The following TMEM151B variants were observed in gnomAD, a reference collection of about 807,000 sequenced individuals.
The protein encoded by TMEM151B is transmembrane protein 151B.
Under a neutral mutation model 33.0 loss-of-function variants are expected in TMEM151B, and 18 were observed. That is an observed-to-expected ratio of 0.55 (90% CI 0.38 to 0.81). The LOEUF (loss-of-function observed/expected upper bound fraction) is 0.81. Ranked by LOEUF, TMEM151B falls within the 30% of genes least tolerant of loss-of-function variation. TMEM151B has a pLI of 0.00. For missense variants in TMEM151B, 672 were observed against 843.4 expected (o/e 0.80, Z 2.52); for synonymous variants, 354 against 373.6 (o/e 0.95, Z 0.61).
rs1274303644 is a variant in TMEM151B, at chr6:44,273,488, C to T, written c.558C>T (p.Asp186=). 47 of 1,544,408 alleles carry T rather than the reference C, an allele frequency of 3.0e-5. No individual in the cohort carries two copies. Among genetic ancestry groups the T allele is most frequent in the Admixed American group, 3.9e-5 (2 of 50,880 alleles). The part of the protein sequence containing the change: ...TRQVTRYRNG[D]AYTTTQVYHE... ...AGGTCACCAGATACCGCAATGGAGACGCCTATACCACCACCCAGGTGAGGA... is the reference window on the plus strand; with the variant it reads ...AGGTCACCAGATACCGCAATGGAGATGCCTATACCACCACCCAGGTGAGGA... The change falls in exon 2 of 3, where the codon GAC becomes GAT. Residue 186 remains aspartate (D), a synonymous_variant. Coordinates refer to ENST00000451188, the MANE Select transcript of TMEM151B (RefSeq NM_001137560.2).
chr6:44,274,465 T>C (rs1472692339), intron 2 of TMEM151B, among the ~76,000 whole-genome samples: 3 of 152,154 alleles, frequency 2.0e-5, no homozygotes, highest in African/African-American at 7.2e-5. Context: ...ATCAGCACTT[T>C]GTGGACTCGC....
rs1267056369 is a variant in TMEM151B, at chr6:44,275,816, G to A, written c.990G>A (p.Glu330=). 1 of 1,543,296 alleles carries A rather than the reference G, an allele frequency of 6.5e-7. No homozygotes were observed. Among genetic ancestry groups the A allele is most frequent in the Non-Finnish European group, 8.7e-7 (1 of 1,145,806 alleles). The part of the protein sequence containing the change: ...YRTAYAHYHV[E]KLFGLEGPGS... ...CGGCCTACGCGCACTACCACGTGGA[G>A]AAGCTATTTGGCCTGGAGGGCCCGG... is the stretch of plus-strand genomic sequence containing the variant. Residue 330 remains glutamate, a synonymous_variant, in exon 3 of 3, where the codon GAG becomes GAA. Coordinates refer to ENST00000451188, the MANE Select transcript of TMEM151B (RefSeq NM_001137560.2).
chr6:44,274,245 A>G (rs1782478945), intron 2 of TMEM151B, among the ~76,000 whole-genome samples: 1 of 152,208 alleles, frequency 6.6e-6, no homozygotes, highest in South Asian at 2.1e-4. Context: ...ATGGCTTCAC[A>G]TGCCCAGTAT....
At position 44,275,934 on chromosome 6, in the gene TMEM151B, A is replaced by C; in HGVS notation, c.1108A>C (p.Ser370Arg). Residue 370 changes from serine (S) to arginine (R), a missense_variant, in exon 3 of 3, where the codon AGC becomes CGC. This residue lies in a region of TMEM151B where 324 missense variants were observed against 363.1 expected (regional missense o/e 0.89). Coordinates refer to ENST00000451188, the MANE Select transcript of TMEM151B (RefSeq NM_001137560.2). ...HRLPRVNTVD[S>R]TELEWHIRSN... is the part of the protein sequence containing the mutation. The stretch of plus-strand genomic sequence containing the variant: ...CCTGCCGCGGGTCAACACAGTAGAC[A>C]GCACGGAGCTCGAGTGGCACATCCG... The C allele has an allele frequency of 6.7e-7, 1 of 1,501,506 alleles. No individual in the cohort carries two copies. Among genetic ancestry groups the C allele is most frequent in the Non-Finnish European group, 8.9e-7 (1 of 1,121,188 alleles). The allele number at this position is 1,501,506 out of a possible 1,614,324, so 93.0% of individuals were successfully genotyped here.
chr6:44,276,663 G>T lies in TMEM151B; in HGVS notation c.*136G>T. ...AGGGAAAGGGAGGTGAGGGCCGCAAGACAGGCCCGGATGGGGCCGAGACCC... is the reference window on the plus strand; with the variant it reads ...AGGGAAAGGGAGGTGAGGGCCGCAATACAGGCCCGGATGGGGCCGAGACCC... On this transcript the variant is annotated 3_prime_UTR_variant, in exon 3 of 3. Transcript: ENST00000451188. 2 of 1,275,848 alleles carry T rather than the reference G, an allele frequency of 1.6e-6. No homozygotes were observed. The highest frequency in any genetic ancestry group is 2.0e-6 in the Non-Finnish European group (2 of 1,011,842). 79.0% of individuals were successfully genotyped at this position (1,275,848 alleles called of 1,614,324 possible).
rs1440208017 is a variant in TMEM151B at position 44,278,712 on chromosome 6, A to G, written c.*2185A>G. 6.6e-6 allele frequency: 1 copy of G among 152,228 alleles called. No individual in the cohort carries two copies. The highest frequency in any genetic ancestry group is 1.5e-5 in the Non-Finnish European group (1 of 68,032). 9.4% of individuals were successfully genotyped at this position (152,228 alleles called of 1,614,324 possible). A position where few individuals can be genotyped will look rare whatever the true frequency, so the allele number is the denominator to read the frequency against. On this transcript the variant is annotated 3_prime_UTR_variant, in exon 3 of 3. Transcript: ENST00000451188. Reference sequence around the variant, plus strand: ...ACAGCCTCATCTCCCACACATGCACAGACTTAGAGAGAAACCAATTCTTTG... The same window carrying G: ...ACAGCCTCATCTCCCACACATGCACGGACTTAGAGAGAAACCAATTCTTTG...
intron 1 of TMEM151B, among the ~76,000 whole-genome samples, chr6:44,271,369 G>GTGGGGGGA (rs35554649): frequency 2.5e-4 from 7 of 27,952 alleles, no homozygotes; most frequent in Admixed American, 6.1e-4. Context: ...GTGTGTGTGT[G>GTGGGGGGA]GGGGGGGGTG....
In TMEM151B at chr6:44,276,102, G is replaced by T; in HGVS notation, c.1276G>T (p.Val426Leu). ...GGTAGGCGGCCCGGGCGCGGCGGGC[G>T]TGGCTCCCTACCGGCGCAGCTGCGA... The part of the protein sequence containing the change: ...GGVGGPGAAG[V>L]APYRRSCEHC... The change falls in exon 3 of 3, where the codon GTG becomes TTG. Residue 426 changes from valine (V) to leucine (L), a missense_variant. Around this residue, in one of 3 missense-constraint regions of TMEM151B, gnomAD observed 324 missense variants for 363.1 expected, o/e 0.89. Transcript: ENST00000451188. 1 of 1,322,840 alleles carries T rather than the reference G, an allele frequency of 7.6e-7. No individual in the cohort carries two copies. The highest frequency in any genetic ancestry group is 9.6e-7 in the Non-Finnish European group (1 of 1,045,312). 81.9% of individuals were successfully genotyped at this position (1,322,840 alleles called of 1,614,324 possible).
At chr6:44,275,345 G>A in intron 2 of TMEM151B, 58 bp from the exon 3 acceptor site, 3 of 1,450,150 alleles carry the variant, frequency 2.1e-6, no homozygotes, top group East Asian at 5.0e-5. Context: ...TGAGTGGGCA[G>A]AAGCGGGCAC....
Position 44,270,689 on chromosome 6 carries a change from C to G in TMEM151B, c.-54C>G. On this transcript the variant is annotated 5_prime_UTR_variant, in exon 1 of 3. Coordinates refer to ENST00000451188, the MANE Select transcript of TMEM151B (RefSeq NM_001137560.2). ...CCCCAGGGCCCGCGCAGGATGCCCC[C>G]GGCCCCTGGCAGCCCCCCGGGAGGT... 3.9e-6 allele frequency: 2 copies of G among 508,244 alleles called. No homozygotes were observed. The highest frequency in any genetic ancestry group is 2.7e-6 in the Non-Finnish European group (1 of 366,280). The allele number at this position is 508,244 out of a possible 1,614,324, so 31.5% of individuals were successfully genotyped here. A position where few individuals can be genotyped will look rare whatever the true frequency, so the allele number is the denominator to read the frequency against.
Position 44,277,692 on chromosome 6 carries a change from G to A in TMEM151B, c.*1165G>A, listed in dbSNP as rs1331582103. 6.6e-6 allele frequency: 1 copy of A among 152,180 alleles called. No homozygotes were observed. Among genetic ancestry groups the A allele is most frequent in the Non-Finnish European group, 1.5e-5 (1 of 68,046 alleles). 9.4% of individuals were successfully genotyped at this position (152,180 alleles called of 1,614,324 possible). ...AAATAATTCCAATGGCAGGGTCAGA[G>A]GCAAGCATTCTCTAAATCTTGCCCA... On this transcript the variant is annotated 3_prime_UTR_variant, in exon 3 of 3. Transcript: ENST00000451188.
At chr6:44,274,232 G>T (rs1782478659) in intron 2 of TMEM151B, among the ~76,000 whole-genome samples, 1 of 152,178 alleles carries the variant, frequency 6.6e-6, no homozygotes, top group African/African-American at 2.4e-5. Context: ...TTAATGGCTG[G>T]AGATGGCTTC....
Position 44,275,693 on chromosome 6 carries a change from C to A in TMEM151B, c.867C>A (p.Asp289Glu), listed in dbSNP as rs1454720954. Residue 289 changes from aspartate to glutamate, a missense_variant, in exon 3 of 3, where the codon GAC (aspartate) becomes GAA (glutamate). Transcript: ENST00000451188. ...GTGAGTTCATGGTGGCCTTCCCGGA[C>A]CCGGCCCGGCCGCCCTGGTACGCCT... ...DFREFMVAFP[D>E]PARPPWYACS... 6.4e-7 allele frequency: 1 copy of A among 1,550,766 alleles called. No individual in the cohort carries two copies. Among genetic ancestry groups the A allele is most frequent in the Admixed American group, 2.0e-5 (1 of 51,002 alleles).
rs576153480 is a variant in TMEM151B, at chr6:44,275,627, G to T, written c.801G>T (p.Met267Ile). Residue 267 changes from methionine (M) to isoleucine (I), a missense_variant, in exon 3 of 3, where the codon ATG becomes ATT. Transcript: ENST00000451188. ...FAENEGLDDY[M>I]EAREGMHLKN... ...AGAACGAGGGCCTAGACGACTACAT[G>T]GAGGCACGCGAGGGCATGCACCTCA... The T allele has an allele frequency of 1.3e-6, 2 of 1,551,290 alleles. No individual in the cohort carries two copies. Among genetic ancestry groups the T allele is most frequent in the East Asian group, 2.4e-5 (1 of 40,904 alleles).
chr6:44,276,374 C>G lies in TMEM151B; in HGVS notation c.1548C>G (p.Asp516Glu), dbSNP rs940885692. The stretch of plus-strand genomic sequence containing the variant: ...CCAGCCAGGCCAGCATGGGGGACGA[C>G]GAGGACGACGACGAGGAGGAGGCCG... Reference protein sequence around the residue: ...RLSSQASMGDDEDDDEEEAGP... With the variant: ...RLSSQASMGDEEDDDEEEAGP... Residue 516 changes from aspartate (D) to glutamate (E), a missense_variant, in exon 3 of 3, where the codon GAC (aspartate) becomes GAG (glutamate). Around this residue, in one of 3 missense-constraint regions of TMEM151B, gnomAD observed 324 missense variants for 363.1 expected, o/e 0.89. Transcript: ENST00000451188. 5.9e-6 allele frequency: 9 copies of G among 1,513,776 alleles called. No homozygotes were observed. The highest frequency in any genetic ancestry group is 1.4e-5 in the African/African-American group (1 of 70,720). The allele number at this position is 1,513,776 out of a possible 1,614,324, so 93.8% of individuals were successfully genotyped here. A position where few individuals can be genotyped will look rare whatever the true frequency, so the allele number is the denominator to read the frequency against.
At chr6:44,273,655 G>A (rs1782455018) in intron 2 of TMEM151B, 149 bp downstream of exon 2, 1 of 877,682 alleles carries the variant, frequency 1.1e-6, no homozygotes, top group Non-Finnish European at 1.7e-6. Context: ...CAGGGCAATA[G>A]CAACAACCAT....
In TMEM151B at chr6:44,276,596, C is replaced by T. The variant is rs1782600464; in HGVS notation, c.*69C>T. ...TCGCCGGACTGTGCTCCCTCTGCGA[C>T]GCAGGGCGAGTCACCACGGTGACTG... is the stretch of plus-strand genomic sequence containing the variant. On this transcript the variant is annotated 3_prime_UTR_variant, in exon 3 of 3. Transcript: ENST00000451188. The T allele has an allele frequency of 4.6e-6, 6 of 1,301,614 alleles. No individual in the cohort carries two copies. Among genetic ancestry groups the T allele is most frequent in the Non-Finnish European group, 9.8e-7 (1 of 1,024,476 alleles). The allele number at this position is 1,301,614 out of a possible 1,614,324, so 80.6% of individuals were successfully genotyped here. A position where few individuals can be genotyped will look rare whatever the true frequency, so the allele number is the denominator to read the frequency against.
intron 1 of TMEM151B, among the ~76,000 whole-genome samples, 186 bp downstream of exon 1, chr6:44,271,063 A>C (rs1782316462): frequency 1.3e-5 from 2 of 148,998 alleles, no homozygotes; most frequent in Non-Finnish European, 3.0e-5. Context: ...GTGCCGGGGA[A>C]GGGGCCGCGC....
chr6:44,273,475 A>G lies in TMEM151B; in HGVS notation c.545A>G (p.Tyr182Cys). The part of the protein sequence containing the change: ...YVRRTRQVTR[Y>C]RNGDAYTTTQ... ...CGCCGCACCCGCCAGGTCACCAGAT[A>G]CCGCAATGGAGACGCCTATACCACC... The change falls in exon 2 of 3, where the codon TAC becomes TGC. Residue 182 changes from tyrosine to cysteine, a missense_variant. Transcript: ENST00000451188. 6.5e-7 allele frequency: 1 copy of G among 1,550,084 alleles called. No homozygotes were observed. Among genetic ancestry groups the G allele is most frequent in the Non-Finnish European group, 8.7e-7 (1 of 1,146,274 alleles).
Sources: allele counts gnomAD v4.1 joint callset (sites outside exome capture counted in the v4.1 genomes callset), GRCh38; gene constraint gnomAD v4.1.1; regional missense constraint gnomAD v4.1.1; transcripts MANE v1.5; gene names NCBI Gene and HGNC (gene_info 2026-07-23, HGNC 2026-07-21).